Variants in RFX8 observed in about 807,000 individuals in gnomAD.
RFX8 encodes regulatory factor X8.
In RFX8, 46 loss-of-function variants were observed where a neutral mutation model predicts 54.6. That is an observed-to-expected ratio of 0.84 (90% CI 0.67 to 1.08). RFX8 has a LOEUF of 1.08. Among genes scored for constraint, RFX8 ranks in the 50% least tolerant of loss-of-function variants. The pLI is 0.00. For synonymous variants in RFX8, 192 were observed against 209.5 expected, an observed-to-expected ratio of 0.92 and a Z score of 0.72; for missense variants, 536 against 562.3, an observed-to-expected ratio of 0.95 and a Z score of 0.47.
chr2:101,453,785 A>C (rs66675251), intron 2 of RFX8, among the ~76,000 whole-genome samples: 7 of 152,014 alleles, frequency 4.6e-5, no homozygotes, highest in Non-Finnish European at 8.8e-5. Flanking sequence ...CTGGAAGCAG[A>C]GAATTATGAA....
In RFX8 at chr2:101,402,710, A is replaced by C; in HGVS notation, c.971T>G (p.Ile324Ser). The C allele has an allele frequency of 6.4e-7, 1 of 1,552,258 alleles. No homozygotes were observed. The highest frequency in any genetic ancestry group is 8.7e-7 in the Non-Finnish European group (1 of 1,146,818). Reference protein sequence around the residue: ...LFHLLLLEYMIHILQSCLEEE... With the variant: ...LFHLLLLEYMSHILQSCLEEE... ...CTCTAGGCATGACTGAAGTATATGA[A>C]TCATATATTCCAAAAGCAACAAGTG... The change falls in exon 11 of 12, where the codon ATT (isoleucine) becomes AGT (serine). Residue 324 changes from isoleucine to serine, a missense_variant. Physicochemically the swap from Ile to Ser is moderately radical, Grantham distance 142. Transcript: ENST00000428343.
chr2:101,401,350 C>T (rs908123), intron 11 of RFX8, among the ~76,000 whole-genome samples: 37,073 of 151,948 alleles, frequency 0.24, 4,989 homozygotes, highest in South Asian at 0.42. Flanking sequence ...TCTCTGCAAT[C>T]GGAGAACTCG....
chr2:101,460,916 T>C (rs2871423), intron 2 of RFX8, among the ~76,000 whole-genome samples: 52,119 of 151,092 alleles, frequency 0.34, 9,656 homozygotes, highest in African/African-American at 0.44. Context: ...AACACCTCGA[T>C]CATGCCTCCA....
chr2:101,405,147 C>CTT (rs35008880), intron 10 of RFX8, among the ~76,000 whole-genome samples: 7 of 144,382 alleles, frequency 4.8e-5, no homozygotes, highest in Admixed American at 1.4e-4. Context: ...TCCTATAATC[C>CTT]TTTTTTTTTT....
intron 1 of RFX8, chr2:101,474,193 G>A: frequency 1.6e-6 from 1 of 628,346 alleles, no homozygotes; most frequent in South Asian, 1.7e-5. Context: ...CAGGCGCCTG[G>A]CGGCTCACCA....
At position 101,456,249 on chromosome 2, in the gene RFX8, G is replaced by A. The variant is rs61613812; in HGVS notation, c.72+10528C>T. Among the ~76,000 whole-genome samples, 35 of 152,282 alleles carry A rather than the reference G, an allele frequency of 2.3e-4. No homozygotes were observed. The East Asian group carries it at 6.6e-3, about 29-fold the overall frequency. ...TCCTAGCCAGAACTTCCAACACTAT[G>A]TTGAATAGGAGTGGTGAGAGAGGGC... On this transcript the variant is annotated intron_variant, in intron 2 of 11. Coordinates refer to ENST00000428343, the MANE Select transcript of RFX8 (RefSeq NM_001145664.2).
At chr2:101,451,447 G>A (rs141595019) in intron 2 of RFX8, among the ~76,000 whole-genome samples, 4,348 of 152,174 alleles carry the variant, frequency 0.029, 97 homozygotes, top group South Asian at 0.045. Context: ...CAGCACTTTG[G>A]GAGGCTGAGA....
At chr2:101,463,049 A>G in intron 2 of RFX8, among the ~76,000 whole-genome samples, 1 of 152,172 alleles carries the variant, frequency 6.6e-6, no homozygotes, top group East Asian at 1.9e-4. Flanking sequence ...CCTCTTGTCT[A>G]ATTATTATCT....
intron 7 of RFX8, among the ~76,000 whole-genome samples, chr2:101,413,426 T>A (rs1269874081): frequency 6.6e-6 from 1 of 152,138 alleles, no homozygotes; most frequent in Non-Finnish European, 1.5e-5. Context: ...GCACCGATCC[T>A]GAGGGAGCGG....
chr2:101,418,112 G>T (rs545016392), intron 5 of RFX8, among the ~76,000 whole-genome samples: 1 of 151,876 alleles, frequency 6.6e-6, no homozygotes, highest in Non-Finnish European at 1.5e-5. Context: ...GGCTGGTCTC[G>T]AACTCCTGAC....
chr2:101,474,683 T>C lies in RFX8; in HGVS notation c.-100A>G, dbSNP rs1422509253. ...TGTTGAGTCCGTGGGTGTCCTTGAC[T>C]TGCTTGAGCGTTGGAGTTATTCAGG... On this transcript the variant is annotated 5_prime_UTR_variant, in exon 1 of 12. Transcript: ENST00000428343. The C allele has an allele frequency of 2.4e-5, 4 of 163,434 alleles. No individual in the cohort carries two copies. Among genetic ancestry groups the C allele is most frequent in the Non-Finnish European group, 4.0e-5 (3 of 75,524 alleles). 10.1% of individuals were successfully genotyped at this position (163,434 alleles called of 1,614,324 possible). A position where few individuals can be genotyped will look rare whatever the true frequency, so the allele number is the denominator to read the frequency against.
At chr2:101,425,600 AAC>A (rs972158726) in intron 2 of RFX8, among the ~76,000 whole-genome samples, 1 of 146,756 alleles carries the variant, frequency 6.8e-6, no homozygotes, top group Non-Finnish European at 1.5e-5. Context: ...TTTATTACAC[AAC>A]ATAATAAAGA....
intron 1 of RFX8, among the ~76,000 whole-genome samples, chr2:101,469,052 ATACGTATATATATGTATATATATATAAG>A (rs1689770953): frequency 3.1e-5 from 1 of 32,204 alleles, no homozygotes; most frequent in Non-Finnish European, 6.6e-5. Flanking sequence ...GTATATATAT[ATACGTATATATATGTATATATATATAAG>A]TGTATATATA....
chr2:101,434,556 T>C (rs1236598865), intron 2 of RFX8, among the ~76,000 whole-genome samples: 7 of 150,960 alleles, frequency 4.6e-5, no homozygotes, highest in Non-Finnish European at 1.5e-5. Flanking sequence ...CAACAGACGT[T>C]GCATTGCACG....
chr2:101,460,585 G>A (rs1689213893), intron 2 of RFX8, among the ~76,000 whole-genome samples: 1 of 152,038 alleles, frequency 6.6e-6, no homozygotes. Flanking sequence ...CATGTTGAGA[G>A]TGGAAATCCT....
At chr2:101,426,970 C>T (rs1451456712) in intron 2 of RFX8, among the ~76,000 whole-genome samples, 1 of 152,196 alleles carries the variant, frequency 6.6e-6, no homozygotes, top group South Asian at 2.1e-4. Context: ...TGCCTAGCAT[C>T]GACAAGCTCT....
At chr2:101,463,674 G>A (rs1386779997) in intron 2 of RFX8, among the ~76,000 whole-genome samples, 1 of 152,128 alleles carries the variant, frequency 6.6e-6, no homozygotes, top group Non-Finnish European at 1.5e-5. Flanking sequence ...AGGGGGCCCT[G>A]AACACCACCA....
intron 1 of RFX8, among the ~76,000 whole-genome samples, chr2:101,472,002 C>G (rs967991470): frequency 6.6e-6 from 1 of 152,250 alleles, no homozygotes; most frequent in Non-Finnish European, 1.5e-5. Context: ...CTACCCACCA[C>G]TGCTCCTCCA....
rs1319408293 is a variant in RFX8 at position 101,450,456 on chromosome 2, C to T, written c.72+16321G>A. The T allele has an allele frequency of 9.1e-6, 5 of 551,568 alleles. No homozygotes were observed. In the Admixed American group the frequency reaches 1.6e-4, roughly 18 times the overall value. 34.2% of individuals were successfully genotyped at this position (551,568 alleles called of 1,614,324 possible). The stretch of plus-strand genomic sequence containing the variant: ...CAGGCTGGTCTTGAACTACTGAACT[C>T]AACTCAAGCGGTTCTTGTGCCCCAG... On this transcript the variant is annotated intron_variant, in intron 2 of 11. Transcript: ENST00000428343.
Sources: gnomAD v4.1 joint callset for allele counts (sites outside exome capture counted in the v4.1 genomes callset) on GRCh38, gnomAD v4.1.1 for gene constraint, MANE v1.5 for transcripts, NCBI Gene and HGNC (gene_info 2026-07-23, HGNC 2026-07-21) for gene names.